Variants in TMPRSS9 observed in about 807,000 individuals in gnomAD.
The protein encoded by TMPRSS9 is transmembrane protease serine 9.
A neutral mutation model predicts 111.4 loss-of-function variants in TMPRSS9; 113 were observed. The observed-to-expected ratio is 1.01, with a 90% CI of 0.87 to 1.19. TMPRSS9 has a LOEUF of 1.19. Ranked by LOEUF, TMPRSS9 falls within the 50% of genes most tolerant of loss-of-function variation. The pLI, the probability that TMPRSS9 is intolerant of heterozygous loss-of-function variation, is 0.00. For synonymous variants in TMPRSS9, 805 were observed against 659.1 expected (o/e 1.22, Z -3.39); for missense variants, 1,803 against 1,513.1 (o/e 1.19, Z -3.18).
At chr19:2,425,895 C>T (rs200128315) in intron 17 of TMPRSS9, 32 bp from the exon 19 acceptor site, 30 of 1,559,838 alleles carry the variant, frequency 1.9e-5, no homozygotes, top group Admixed American at 1.3e-4. Context: ...GAGGTACCGG[C>T]CTCTGAACCC....
exon 9 of TMPRSS9, chr19:2,410,333 A>G (rs1042193757): frequency 6.8e-6 from 11 of 1,613,882 alleles, no homozygotes; most frequent in Non-Finnish European, 9.3e-6. Context: ...TTGTACGGCC[A>G]TTCACTCACT....
intron 12 of TMPRSS9, among the ~76,000 whole-genome samples, chr19:2,417,306 A>G (rs1170001746): frequency 2.6e-5 from 4 of 152,026 alleles, no homozygotes; most frequent in African/African-American, 9.7e-5. Flanking sequence ...TCTCTACTAG[A>G]AATACAAAAA....
intron 1 of TMPRSS9, among the ~76,000 whole-genome samples, chr19:2,395,581 G>A (rs954423959): frequency 1.3e-5 from 2 of 152,084 alleles, no homozygotes; most frequent in African/African-American, 4.8e-5. Context: ...GTATGGTGGT[G>A]CATGCCTGTA....
At chr19:2,406,366 G>A (rs1348115486) in intron 7 of TMPRSS9, among the ~76,000 whole-genome samples, 1 of 145,402 alleles carries the variant, frequency 6.9e-6, no homozygotes. Flanking sequence ...TCAGTCTGTC[G>A]CCCTGGCTGG....
intron 10 of TMPRSS9, chr19:2,414,226 G>A (rs1971167934): frequency 1.9e-6 from 1 of 539,824 alleles, no homozygotes. Context: ...TAACTATGGC[G>A]ATCTATCAAT....
At chr19:2,386,088 A>G (rs1599282583), upstream of TMPRSS9, among the ~76,000 whole-genome samples, 1 of 152,010 alleles carries the variant, frequency 6.6e-6, no homozygotes, top group Admixed American at 6.6e-5. Context: ...GGGATCACAG[A>G]TACGTGCCCC....
chr19:2,381,008 G>A (rs1437596286), intron 1 of TMPRSS9, among the ~76,000 whole-genome samples: 1 of 152,040 alleles, frequency 6.6e-6, no homozygotes, highest in Admixed American at 6.6e-5. Flanking sequence ...AAAGACCCCT[G>A]TACACAGATT....
chr19:2,400,930 A>T (rs1342651423), intron 4 of TMPRSS9, among the ~76,000 whole-genome samples: 1 of 143,862 alleles, frequency 7.0e-6, no homozygotes, highest in Non-Finnish European at 1.5e-5. Flanking sequence ...GAGCCAAGAT[A>T]GCACCACTGC....
At chr19:2,425,646 T>C (rs976299522) in intron 17 of TMPRSS9, 153 bp downstream of exon 18, 27 of 1,352,168 alleles carry the variant, frequency 2.0e-5, no homozygotes, top group Non-Finnish European at 2.6e-5. Flanking sequence ...CTGGAGGAAT[T>C]TCCACTCCAC....
At chr19:2,382,902 C>G (rs10405937) in intron 1 of TMPRSS9, among the ~76,000 whole-genome samples, 59,225 of 151,996 alleles carry the variant, frequency 0.39, 12,000 homozygotes, top group East Asian at 0.6. Context: ...GGCCAGAGAC[C>G]TAGGGAAGAG....
chr19:2,382,343 G>GCTGTT (rs1211509141), intron 1 of TMPRSS9, among the ~76,000 whole-genome samples: 5 of 151,642 alleles, frequency 3.3e-5, no homozygotes, highest in African/African-American at 9.7e-5. Context: ...TGTTGGCCAG[G>GCTGTT]CTGTTCTCAA....
At chr19:2,423,531 C>G (rs1271645145) in intron 14 of TMPRSS9, among the ~76,000 whole-genome samples, 1 of 151,390 alleles carries the variant, frequency 6.6e-6, no homozygotes, top group Non-Finnish European at 1.5e-5. Flanking sequence ...GGGGGCTTGC[C>G]CCTGAGGAGG....
intron 1 of TMPRSS9, among the ~76,000 whole-genome samples, chr19:2,372,067 G>T (rs1000844283): frequency 6.6e-6 from 1 of 152,174 alleles, no homozygotes; most frequent in Non-Finnish European, 1.5e-5. Context: ...ATGGGGGCCA[G>T]GCTGGTCTCA....
At chr19:2,401,856 C>T in intron 4 of TMPRSS9, 119 bp from the exon 6 acceptor site, 3 of 617,848 alleles carry the variant, frequency 4.9e-6, no homozygotes, top group South Asian at 4.0e-5. Context: ...GATCCACCCG[C>T]CTCAGCCTCC....
chr19:2,422,734 TAAAA>T (rs1971495421), intron 14 of TMPRSS9, among the ~76,000 whole-genome samples: 1 of 150,444 alleles, frequency 6.6e-6, no homozygotes, highest in Non-Finnish European at 1.5e-5. Context: ...AAAAAATAAA[TAAAA>T]AAAGCCAGGC....
upstream of TMPRSS9, among the ~76,000 whole-genome samples, chr19:2,387,079 G>A (rs904443379): frequency 1.3e-5 from 2 of 148,862 alleles, no homozygotes; most frequent in South Asian, 4.2e-4. Context: ...AAATGAGGCC[G>A]GGTGCAGTGG....
chr19:2,386,865 G>T (rs538910716), upstream of TMPRSS9, among the ~76,000 whole-genome samples: 31 of 151,932 alleles, frequency 2.0e-4, no homozygotes, highest in Admixed American at 1.6e-3. Context: ...GATGGCACAC[G>T]CCTGTGGTCC....
At chr19:2,371,569 C>T (rs1970290595) in intron 1 of TMPRSS9, among the ~76,000 whole-genome samples, 1 of 152,054 alleles carries the variant, frequency 6.6e-6, no homozygotes, top group South Asian at 2.1e-4. Context: ...TGGTGACGGG[C>T]ACCTATAATC....
intron 1 of TMPRSS9, among the ~76,000 whole-genome samples, chr19:2,375,310 G>C (rs1858251907): frequency 6.6e-6 from 1 of 152,224 alleles, no homozygotes; most frequent in Non-Finnish European, 1.5e-5. Flanking sequence ...AAAAGAACTT[G>C]GTGTCCTGCT....
Sources: allele counts gnomAD v4.1 joint callset (sites outside exome capture counted in the v4.1 genomes callset), GRCh38; gene constraint gnomAD v4.1.1; transcripts MANE v1.5; gene names NCBI Gene and HGNC (gene_info 2026-07-23, HGNC 2026-07-21).